Variants in SPMAP2 observed in about 807,000 individuals in gnomAD.
The protein encoded by SPMAP2 is sperm microtubule associated protein 2, also known as Theg homolog.
the SPMAP2 span, chr19:375,652 C>CCGG: frequency 6.5e-7 from 1 of 1,540,828 alleles, no homozygotes; most frequent in Non-Finnish European, 8.8e-7. Flanking sequence ...GGCCCGTTCC[C>CCGG]CGGTGCCCAC....
the SPMAP2 span, among the ~76,000 whole-genome samples, chr19:370,155 A>G: frequency 6.6e-5 from 10 of 152,226 alleles, no homozygotes; most frequent in Non-Finnish European, 1.3e-4. Context: ...GACGGCGGCC[A>G]GGATGGGGAG....
chr19:370,768 G>A, the SPMAP2 span, among the ~76,000 whole-genome samples: 19 of 152,320 alleles, frequency 1.2e-4, no homozygotes, highest in East Asian at 2.1e-3. Flanking sequence ...ATAAACTACC[G>A]ACGCACGCGA....
the SPMAP2 span, chr19:373,513 G>A: frequency 1.4e-5 from 23 of 1,613,296 alleles, no homozygotes; most frequent in Admixed American, 6.7e-5. Flanking sequence ...GGAACCGCTC[G>A]GTCCAGTACA....
At chr19:365,511 T>G in the SPMAP2 span, among the ~76,000 whole-genome samples, 180 of 78,190 alleles carry the variant, frequency 2.3e-3, 1 homozygote, top group African/African-American at 6.9e-3. Flanking sequence ...ACACTCGCTC[T>G]TACCCCCACC....
the SPMAP2 span, among the ~76,000 whole-genome samples, chr19:370,607 T>C: frequency 3.9e-5 from 6 of 152,052 alleles, no homozygotes; most frequent in South Asian, 2.1e-4. Context: ...GCCTCAGCCT[T>C]CCAAAGTGCT....
At chr19:366,283 T>G in the SPMAP2 span, among the ~76,000 whole-genome samples, 1 of 152,162 alleles carries the variant, frequency 6.6e-6, no homozygotes, top group Admixed American at 6.5e-5. Flanking sequence ...CATGGATGGA[T>G]GTATCCATGC....
At chr19:374,462 G>C in the SPMAP2 span, 5 of 1,612,756 alleles carry the variant, frequency 3.1e-6, no homozygotes, top group Non-Finnish European at 4.2e-6. Flanking sequence ...CTGCTTTCCC[G>C]CCCCGATGCG....
the SPMAP2 span, chr19:373,366 G>A: frequency 3.7e-6 from 4 of 1,083,468 alleles, no homozygotes; most frequent in Admixed American, 1.9e-5. Flanking sequence ...AGGCTCCGAG[G>A]AGATGGGGCA....
chr19:374,472 G>A, the SPMAP2 span: 135 of 1,611,294 alleles, frequency 8.4e-5, no homozygotes, highest in Middle Eastern at 4.0e-3. Context: ...GCCCCGATGC[G>A]TTTGGGAGCC....
At chr19:370,508 A>ATTTTTTT in the SPMAP2 span, among the ~76,000 whole-genome samples, 1 of 141,412 alleles carries the variant, frequency 7.1e-6, no homozygotes, top group African/African-American at 2.6e-5. Context: ...CCCCCGGCTA[A>ATTTTTTT]TTTTTTTTTT....
chr19:375,661 A>T, the SPMAP2 span: 1 of 1,551,882 alleles, frequency 6.4e-7, no homozygotes. Context: ...CCCGGTGCCC[A>T]CCTGATTTCA....
the SPMAP2 span, chr19:371,451 T>C: frequency 2.1e-6 from 1 of 478,908 alleles, no homozygotes; most frequent in Non-Finnish European, 3.7e-6. Flanking sequence ...TGTCTGTCTG[T>C]CTTTCCCAGC....
the SPMAP2 span, chr19:371,222 T>G: frequency 6.7e-7 from 1 of 1,486,304 alleles, no homozygotes. Context: ...ATGGGCATGC[T>G]CCAGAAGTTA....
the SPMAP2 span, among the ~76,000 whole-genome samples, chr19:371,535 G>T: frequency 2.6e-5 from 4 of 152,150 alleles, no homozygotes; most frequent in African/African-American, 9.7e-5. Context: ...ACAGGGATTC[G>T]TAAAGAATTT....
chr19:364,336 C>CA, the SPMAP2 span, among the ~76,000 whole-genome samples: 567 of 73,646 alleles, frequency 7.7e-3, 5 homozygotes, highest in African/African-American at 0.022. Context: ...AGCTCTGTCT[C>CA]AAAAAAAAAA....
chr19:375,568 C>T, the SPMAP2 span: 6 of 1,328,544 alleles, frequency 4.5e-6, no homozygotes, highest in East Asian at 1.3e-4. Flanking sequence ...GGTTACGACC[C>T]TTTCGCCCGC....
chr19:363,145 C>T, the SPMAP2 span, among the ~76,000 whole-genome samples: 1 of 152,096 alleles, frequency 6.6e-6, no homozygotes, highest in Non-Finnish European at 1.5e-5. Flanking sequence ...GGTTGCATAA[C>T]CCTGTGACTG....
chr19:363,198 A>G, the SPMAP2 span, among the ~76,000 whole-genome samples: 1 of 152,138 alleles, frequency 6.6e-6, no homozygotes, highest in Non-Finnish European at 1.5e-5. Flanking sequence ...TTATTTGTTT[A>G]TTTATTTAGT....
At chr19:364,115 C>G in the SPMAP2 span, among the ~76,000 whole-genome samples, 2 of 150,896 alleles carry the variant, frequency 1.3e-5, no homozygotes, top group African/African-American at 4.9e-5. Context: ...GGGCGGATCA[C>G]AAGGTCAGGA....
Sources: allele counts gnomAD v4.1 joint callset (sites outside exome capture counted in the v4.1 genomes callset), GRCh38; gene constraint gnomAD v4.1.1; transcripts MANE v1.5; gene names NCBI Gene and HGNC (gene_info 2026-07-23, HGNC 2026-07-21).